SLIT2: variants seen among roughly 807,000 people sequenced by gnomAD.
SLIT2 encodes slit homolog 2 protein.
A neutral mutation model predicts 185.7 loss-of-function variants in SLIT2; 41 were observed. The ratio of observed to expected loss-of-function variants is 0.22; its 90% CI spans 0.17 to 0.29. The LOEUF (loss-of-function observed/expected upper bound fraction) is 0.29, where lower values mean the gene tolerates loss of function less well. Ranked by LOEUF, SLIT2 falls within the 10% of genes least tolerant of loss-of-function variation. The pLI, the probability that SLIT2 is intolerant of heterozygous loss-of-function variation, is 1.00. For missense variants in SLIT2, 1,571 were observed against 1,909.0 expected (o/e 0.82, Z 3.30); for synonymous variants, 693 against 680.2 (o/e 1.02, Z -0.29).
intron 29 of SLIT2, among the ~76,000 whole-genome samples, chr4:20,576,519 A>C (rs1383878377): frequency 6.6e-6 from 1 of 152,154 alleles, no homozygotes; most frequent in East Asian, 1.9e-4. Flanking sequence ...TCTTAGTAAC[A>C]GTGACTTCTG....
chr4:20,488,792 C>T (rs1013350526), intron 7 of SLIT2, 27 bp from the exon 8 acceptor site: 2 of 1,543,896 alleles, frequency 1.3e-6, no homozygotes, highest in Non-Finnish European at 8.8e-7. Context: ...TGTTTTCTTG[C>T]TTTACACTTC....
intron 4 of SLIT2, among the ~76,000 whole-genome samples, chr4:20,367,748 G>A (rs1723226641): frequency 6.6e-6 from 1 of 152,094 alleles, no homozygotes; most frequent in South Asian, 2.1e-4. Flanking sequence ...TGCCATCAGT[G>A]TTTGGGGTGA....
At position 20,548,574 on chromosome 4, in the gene SLIT2, G is replaced by A; in HGVS notation, c.2417+15G>A. The A allele has an allele frequency of 6.7e-7, 1 of 1,503,312 alleles. No individual in the cohort carries two copies. The highest frequency in any genetic ancestry group is 9.3e-7 in the Non-Finnish European group (1 of 1,080,116). 93.1% of individuals were successfully genotyped at this position (1,503,312 alleles called of 1,614,324 possible). A position where few individuals can be genotyped will look rare whatever the true frequency, so the allele number is the denominator to read the frequency against. Reference sequence around the variant, plus strand: ...CTCCTCACCTTGTGAGTGTGAAAGTGTGGTACTGAGTATTCATTAATTCAA... The same window carrying A: ...CTCCTCACCTTGTGAGTGTGAAAGTATGGTACTGAGTATTCATTAATTCAA... On this transcript the variant is annotated intron_variant, in intron 23 of 36. Transcript: ENST00000504154.
intron 34 of SLIT2, among the ~76,000 whole-genome samples, chr4:20,613,153 C>T (rs1220335543): frequency 1.3e-5 from 2 of 152,044 alleles, no homozygotes; most frequent in African/African-American, 4.8e-5. Flanking sequence ...CATGACTGAG[C>T]ATATAGTCAA....
chr4:20,355,606 T>A (rs561465808), intron 4 of SLIT2, among the ~76,000 whole-genome samples: 15 of 152,298 alleles, frequency 9.8e-5, no homozygotes, highest in South Asian at 8.3e-4. Flanking sequence ...GGTCATTGTA[T>A]GAAGCACATA....
intron 9 of SLIT2, among the ~76,000 whole-genome samples, chr4:20,500,223 G>C (rs1718594645): frequency 6.6e-6 from 1 of 152,212 alleles, no homozygotes; most frequent in African/African-American, 2.4e-5. Flanking sequence ...TTGTTTCATT[G>C]TGAAAATATT....
In SLIT2 at chr4:20,595,840, A is replaced by G; in HGVS notation, c.3320+6A>G. The G allele has an allele frequency of 6.2e-7, 1 of 1,612,778 alleles. No homozygotes were observed. The highest frequency in any genetic ancestry group is 8.5e-7 in the Non-Finnish European group (1 of 1,178,912). ...ATATGCCCCGAAGGTTACAGGTAAAAGCAGAAATGAATAAGACCTAGTGTT... is the reference window on the plus strand; with the variant it reads ...ATATGCCCCGAAGGTTACAGGTAAAGGCAGAAATGAATAAGACCTAGTGTT... On this transcript the variant is annotated splice_donor_region_variant and intron_variant, in intron 31 of 36. Coordinates refer to ENST00000504154, the MANE Select transcript of SLIT2 (RefSeq NM_004787.4).
At chr4:20,415,410 C>CAAAAAA (rs371123614) in intron 4 of SLIT2, among the ~76,000 whole-genome samples, 2 of 65,468 alleles carry the variant, frequency 3.1e-5, no homozygotes, top group African/African-American at 6.2e-5. Flanking sequence ...GACTCCGTCT[C>CAAAAAA]AAAAAAAAAA....
chr4:20,493,561 CA>C (rs1004355938), intron 9 of SLIT2, among the ~76,000 whole-genome samples: 97 of 152,218 alleles, frequency 6.4e-4, no homozygotes, highest in African/African-American at 2.2e-3. Flanking sequence ...CAAGGTCTTA[CA>C]AAGGGCATGA....
At chr4:20,374,600 A>C (rs1178255905) in intron 4 of SLIT2, among the ~76,000 whole-genome samples, 4 of 151,724 alleles carry the variant, frequency 2.6e-5, no homozygotes. Flanking sequence ...CTTTCTTCTT[A>C]TCCCTTCTCC....
At chr4:20,367,725 T>TG (rs1723224548) in intron 4 of SLIT2, among the ~76,000 whole-genome samples, 1 of 152,122 alleles carries the variant, frequency 6.6e-6, no homozygotes, top group Non-Finnish European at 1.5e-5. Flanking sequence ...TCCCTGACCT[T>TG]GGCCCCTATC....
Position 20,491,746 on chromosome 4 carries a change from T to G in SLIT2, c.776-15T>G. On this transcript the variant is annotated splice_polypyrimidine_tract_variant and intron_variant, in intron 8 of 36. Transcript: ENST00000504154. ...TCAGGAGGAAAAATATAATTCCTGT[T>G]TATTTCTTTTTTAGGTCACCAGTCA... The G allele has an allele frequency of 6.2e-7, 1 of 1,605,244 alleles. No individual in the cohort carries two copies. Among genetic ancestry groups the G allele is most frequent in the Non-Finnish European group, 8.5e-7 (1 of 1,176,486 alleles).
chr4:20,556,780 C>T (rs1008113646), intron 26 of SLIT2, among the ~76,000 whole-genome samples: 8 of 152,124 alleles, frequency 5.3e-5, no homozygotes, highest in Admixed American at 2.0e-4. Context: ...CGTTGAAAGC[C>T]GAGAGAGACC....
At chr4:20,442,490 C>T (rs1418327049) in intron 4 of SLIT2, among the ~76,000 whole-genome samples, 1 of 142,220 alleles carries the variant, frequency 7.0e-6, no homozygotes, top group Non-Finnish European at 1.5e-5. Flanking sequence ...CGCCACTGCG[C>T]TCCAGCCTGG....
At chr4:20,511,194 C>CT in intron 11 of SLIT2, 57 bp downstream of exon 11, 1 of 1,008,516 alleles carries the variant, frequency 9.9e-7, no homozygotes, top group Non-Finnish European at 1.5e-6. Flanking sequence ...GAGTGGCTAC[C>CT]TTTTTTAAAT....
chr4:20,343,456 T>C (rs1194310739), intron 4 of SLIT2, among the ~76,000 whole-genome samples: 1 of 152,168 alleles, frequency 6.6e-6, no homozygotes, highest in Non-Finnish European at 1.5e-5. Flanking sequence ...ATACGCAATT[T>C]ATCCTTTCAT....
intron 30 of SLIT2, among the ~76,000 whole-genome samples, chr4:20,593,831 A>G (rs142961790): frequency 1.3e-5 from 2 of 152,176 alleles, no homozygotes; most frequent in African/African-American, 4.8e-5. Context: ...AAGCCGGGGT[A>G]CAAACACAGT....
chr4:20,401,392 A>G (rs922695914), intron 4 of SLIT2, among the ~76,000 whole-genome samples: 4 of 151,872 alleles, frequency 2.6e-5, no homozygotes, highest in African/African-American at 9.7e-5. Context: ...TTCCTTTTTA[A>G]CTATCTGGCT....
chr4:20,545,231 C>T lies in SLIT2; in HGVS notation c.2277-800C>T, dbSNP rs188678977. Among the ~76,000 whole-genome samples, 606 of 152,102 alleles carry T rather than the reference C, an allele frequency of 4.0e-3. 9 individuals are homozygous for T. Among genetic ancestry groups the T allele is most frequent in the African/African-American group, 0.014 (568 of 41,530 alleles). ...GGGCACATGTATAGCCAGATGGCCC[C>T]AGTTTCTGAATGACATTTGCACCCT... On this transcript the variant is annotated intron_variant, in intron 21 of 36. Transcript: ENST00000504154.
Sources: gnomAD v4.1 joint callset for allele counts (sites outside exome capture counted in the v4.1 genomes callset) on GRCh38, gnomAD v4.1.1 for gene constraint, MANE v1.5 for transcripts, NCBI Gene and HGNC (gene_info 2026-07-23, HGNC 2026-07-21) for gene names.